The following CTNNA2 variants were observed in gnomAD, a reference collection of about 807,000 sequenced individuals.
The protein encoded by CTNNA2 is catenin alpha-2.
A neutral mutation model predicts 101.0 loss-of-function variants in CTNNA2; 42 were observed. That is an observed-to-expected ratio of 0.42 (90% confidence interval 0.32 to 0.54). The LOEUF is 0.54. Ranked by LOEUF, CTNNA2 falls within the 20% of genes least tolerant of loss-of-function variation. The pLI is 0.14. For synonymous variants in CTNNA2, 450 were observed against 456.4 expected (o/e 0.99, Z 0.18); for missense variants, 871 against 1,223.1 (o/e 0.71, Z 4.29).
intron 7 of CTNNA2, among the ~76,000 whole-genome samples, chr2:80,360,884 T>C (rs1046170669): frequency 5.3e-5 from 8 of 152,156 alleles, no homozygotes; most frequent in Non-Finnish European, 1.5e-5. Flanking sequence ...ACTGTTAATG[T>C]TCTATTGATA....
At chr2:79,399,137 A>T (rs1249491877) in intron 4 of CTNNA2, among the ~76,000 whole-genome samples, 1 of 152,180 alleles carries the variant, frequency 6.6e-6, no homozygotes, top group African/African-American at 2.4e-5. Context: ...CTAGAAGGGC[A>T]TTTATAGAAA....
At chr2:79,398,486 C>T (rs948184940) in intron 4 of CTNNA2, among the ~76,000 whole-genome samples, 13 of 152,030 alleles carry the variant, frequency 8.6e-5, no homozygotes, top group African/African-American at 3.1e-4. Context: ...CCAAGAGTTT[C>T]CATTTAAACA....
chr2:79,407,440 T>C (rs1213282582), intron 4 of CTNNA2, among the ~76,000 whole-genome samples: 2 of 151,958 alleles, frequency 1.3e-5, no homozygotes, highest in Admixed American at 1.3e-4. Flanking sequence ...TCTTATTTTC[T>C]GGTTTTTTTT....
chr2:79,315,939 T>C (rs1357003654), intron 3 of CTNNA2, among the ~76,000 whole-genome samples: 1 of 152,148 alleles, frequency 6.6e-6, no homozygotes, highest in Admixed American at 6.5e-5. Context: ...TTTTTAATTA[T>C]AGCCATATAT....
At chr2:79,509,173 T>G (rs1316153469), upstream of CTNNA2, among the ~76,000 whole-genome samples, 1 of 151,938 alleles carries the variant, frequency 6.6e-6, no homozygotes, top group Non-Finnish European at 1.5e-5. Flanking sequence ...TCATTGGTTG[T>G]TTCTCAGACA....
chr2:79,903,496 G>C (rs572513163), intron 6 of CTNNA2, among the ~76,000 whole-genome samples: 18 of 152,246 alleles, frequency 1.2e-4, no homozygotes, highest in Non-Finnish European at 2.4e-4. Flanking sequence ...ACATGGCAGA[G>C]AAGTCGCTTC....
chr2:79,401,120 A>G (rs1573148073), intron 4 of CTNNA2, among the ~76,000 whole-genome samples: 1 of 151,924 alleles, frequency 6.6e-6, no homozygotes, highest in African/African-American at 2.4e-5. Context: ...AAAGGTCACT[A>G]AACAGTAACT....
At chr2:80,003,456 C>T (rs149237356) in intron 7 of CTNNA2, among the ~76,000 whole-genome samples, 1 of 152,262 alleles carries the variant, frequency 6.6e-6, no homozygotes, top group African/African-American at 2.4e-5. Context: ...AATGCAGCTT[C>T]CCCTGGCCCA....
intron 3 of CTNNA2, among the ~76,000 whole-genome samples, chr2:79,360,088 G>A (rs111877138): frequency 0.015 from 2,309 of 152,184 alleles, 60 homozygotes; most frequent in African/African-American, 0.051. Flanking sequence ...AGAGAGTCAA[G>A]GGTCCTGAGA....
intron 7 of CTNNA2, among the ~76,000 whole-genome samples, chr2:80,232,341 G>GTTGTTTTTTTTTTTTTTTTTT (rs1709276642): frequency 4.9e-5 from 4 of 82,050 alleles, no homozygotes; most frequent in African/African-American, 1.3e-4. Flanking sequence ...TTGTTTGTTT[G>GTTGTTTTTTTTTTTTTTTTTT]TTTGTTTTTT....
At chr2:79,829,693 CTTAT>C (rs144686881) in intron 3 of CTNNA2, among the ~76,000 whole-genome samples, 10,922 of 144,454 alleles carry the variant, frequency 0.076, 469 homozygotes, top group East Asian at 0.15. Flanking sequence ...CTTTTTCTTT[CTTAT>C]TTATTTATTT....
intron 7 of CTNNA2, among the ~76,000 whole-genome samples, chr2:79,995,844 G>A (rs1692502329): frequency 6.6e-6 from 1 of 152,078 alleles, no homozygotes. Flanking sequence ...TTTGGAATAT[G>A]TTCTGTATTC....
chr2:80,162,623 T>C (rs1704400236), intron 7 of CTNNA2: 1 of 1,611,638 alleles, frequency 6.2e-7, no homozygotes, highest in Non-Finnish European at 8.5e-7. Context: ...GTCTATCTGC[T>C]AGGTAGGGAT....
intron 7 of CTNNA2, among the ~76,000 whole-genome samples, chr2:80,040,341 G>C (rs1695957122): frequency 6.6e-6 from 1 of 152,096 alleles, no homozygotes; most frequent in South Asian, 2.1e-4. Context: ...AAAATACTGT[G>C]GGCAGACTTG....
chr2:79,897,113 T>A (rs970125340), intron 6 of CTNNA2, among the ~76,000 whole-genome samples: 1 of 152,158 alleles, frequency 6.6e-6, no homozygotes, highest in Non-Finnish European at 1.5e-5. Flanking sequence ...ATGCAACTCA[T>A]TGCTTTATTC....
At chr2:80,353,631 G>C (rs1000636269) in intron 7 of CTNNA2, among the ~76,000 whole-genome samples, 8 of 152,078 alleles carry the variant, frequency 5.3e-5, no homozygotes, top group Admixed American at 4.6e-4. Context: ...ACCTACCTCT[G>C]CCTCTCACAT....
chr2:79,799,297 C>CTT (rs202160862), intron 3 of CTNNA2, among the ~76,000 whole-genome samples: 1 of 150,630 alleles, frequency 6.6e-6, no homozygotes, highest in African/African-American at 2.4e-5. Flanking sequence ...ATGCCTTATT[C>CTT]TTTTTTTTTA....
intron 7 of CTNNA2, among the ~76,000 whole-genome samples, chr2:79,915,371 T>C (rs1416860512): frequency 6.6e-6 from 1 of 151,986 alleles, no homozygotes; most frequent in African/African-American, 2.4e-5. Context: ...ACTCATATTG[T>C]AAATGCTGTT....
intron 15 of CTNNA2, among the ~76,000 whole-genome samples, chr2:80,599,092 A>C (rs1325114700): frequency 6.6e-6 from 1 of 152,234 alleles, no homozygotes; most frequent in Non-Finnish European, 1.5e-5. Flanking sequence ...AGAAGAGTGA[A>C]TAGGACATTT....
Sources: gnomAD v4.1 joint callset for allele counts (sites outside exome capture counted in the v4.1 genomes callset) on GRCh38, gnomAD v4.1.1 for gene constraint, MANE v1.5 for transcripts, NCBI Gene and HGNC (gene_info 2026-07-23, HGNC 2026-07-21) for gene names.